The following RSPO2 variants were observed in gnomAD, a reference collection of about 807,000 sequenced individuals.
RSPO2 encodes R-spondin 2.
In RSPO2, 14 loss-of-function variants were observed where a neutral mutation model predicts 30.9. The ratio of observed to expected loss-of-function variants is 0.45; its 90% confidence interval spans 0.30 to 0.71. The LOEUF is 0.71. RSPO2 is among the 30% of genes least tolerant of loss of function. The pLI is 0.08. For synonymous variants in RSPO2, 107 were observed against 96.4 expected (o/e 1.11, Z -0.64); for missense variants, 264 against 301.9 (o/e 0.87, Z 0.93).
chr8:107,991,892 C>T (rs1461618066), intron 2 of RSPO2, among the ~76,000 whole-genome samples: 1 of 152,050 alleles, frequency 6.6e-6, no homozygotes, highest in African/African-American at 2.4e-5. Flanking sequence ...ATAACAGATG[C>T]TGAGAGGTTG....
chr8:108,039,340 GT>G (rs1178819422), intron 2 of RSPO2, among the ~76,000 whole-genome samples: 1 of 152,022 alleles, frequency 6.6e-6, no homozygotes, highest in South Asian at 2.1e-4. Flanking sequence ...ATGCCATACT[GT>G]TTAAAATGCT....
intron 2 of RSPO2, among the ~76,000 whole-genome samples, chr8:108,079,738 A>C (rs1014328689): frequency 6.6e-6 from 1 of 152,128 alleles, no homozygotes; most frequent in African/African-American, 2.4e-5. Flanking sequence ...GGTAAGCCTA[A>C]CCAATCCTGG....
chr8:108,080,136 C>A (rs1813148308), intron 2 of RSPO2, among the ~76,000 whole-genome samples: 1 of 152,194 alleles, frequency 6.6e-6, no homozygotes, highest in African/African-American at 2.4e-5. Context: ...TTTCAATACT[C>A]TCACAATGCA....
intron 2 of RSPO2, among the ~76,000 whole-genome samples, chr8:108,032,088 C>T (rs1811440597): frequency 6.6e-6 from 1 of 152,184 alleles, no homozygotes; most frequent in African/African-American, 2.4e-5. Context: ...TGACCCTATC[C>T]TGCCTCTTAA....
At position 107,913,086 on chromosome 8, in the gene RSPO2, G is replaced by A. The variant is rs1000847427; in HGVS notation, c.617-11896C>T. On this transcript the variant is annotated intron_variant, in intron 5 of 5. Transcript: ENST00000276659. ...GGTAATTGGGATAAATATTTAAGGT[G>A]AAGATATCCCAAATTTTCAGAAGAA... Among the ~76,000 whole-genome samples the A allele has an allele frequency of 4.0e-5, 6 of 150,060 alleles. No individual in the cohort carries two copies. In the Admixed American group the frequency reaches 4.1e-4, roughly 10 times the overall value.
chr8:107,988,935 A>C (rs1218121360), intron 3 of RSPO2, 121 bp downstream of exon 3: 1 of 919,446 alleles, frequency 1.1e-6, no homozygotes, highest in Non-Finnish European at 1.6e-6. Context: ...GCAAGCTTAA[A>C]CTATTTCTAT....
chr8:108,065,694 C>T (rs1375677919), intron 2 of RSPO2, among the ~76,000 whole-genome samples: 1 of 151,854 alleles, frequency 6.6e-6, no homozygotes, highest in African/African-American at 2.4e-5. Context: ...TGTCCCCTGC[C>T]CACAGAAGAC....
chr8:108,072,968 A>T (rs1812904256), intron 2 of RSPO2: 1 of 152,226 alleles, frequency 6.6e-6, no homozygotes, highest in Non-Finnish European at 1.5e-5. Context: ...ATCTGAATTT[A>T]AAAAATAAAA....
At chr8:108,028,799 T>C (rs1264801210) in intron 2 of RSPO2, among the ~76,000 whole-genome samples, 1 of 152,182 alleles carries the variant, frequency 6.6e-6, no homozygotes, top group African/African-American at 2.4e-5. Flanking sequence ...CTTGTCATCC[T>C]TCATAACTTG....
At chr8:108,035,435 T>G (rs1811560513) in intron 2 of RSPO2, among the ~76,000 whole-genome samples, 1 of 151,900 alleles carries the variant, frequency 6.6e-6, no homozygotes, top group African/African-American at 2.4e-5. Context: ...CCAGTTCTTT[T>G]TTTTGTTTTG....
At chr8:108,007,743 T>C (rs917155274) in intron 2 of RSPO2, among the ~76,000 whole-genome samples, 1 of 151,890 alleles carries the variant, frequency 6.6e-6, no homozygotes, top group African/African-American at 2.4e-5. Flanking sequence ...AAGGAGAAAA[T>C]AGCCAGTAAA....
chr8:107,966,359 C>T (rs768668503), intron 3 of RSPO2, among the ~76,000 whole-genome samples: 2 of 152,128 alleles, frequency 1.3e-5, no homozygotes, highest in Non-Finnish European at 2.9e-5. Flanking sequence ...AAGGTCCTTA[C>T]ACCTCAGGAT....
intron 2 of RSPO2, among the ~76,000 whole-genome samples, chr8:108,057,008 G>A (rs935047097): frequency 1.7e-5 from 2 of 114,702 alleles, no homozygotes; most frequent in Non-Finnish European, 3.3e-5. Context: ...AGTGAGTCGA[G>A]ATCACACCAC....
chr8:108,024,956 G>A (rs1331009834), intron 2 of RSPO2, among the ~76,000 whole-genome samples: 1 of 152,028 alleles, frequency 6.6e-6, no homozygotes, highest in East Asian at 1.9e-4. Context: ...GGAGGCAGAG[G>A]GGCAGCGAGC....
At chr8:107,922,179 C>T (rs1022780584) in intron 5 of RSPO2, among the ~76,000 whole-genome samples, 1 of 151,592 alleles carries the variant, frequency 6.6e-6, no homozygotes, top group African/African-American at 2.4e-5. Flanking sequence ...TTGCAGATGA[C>T]ATGATTCTAT....
At chr8:107,986,756 C>T (rs1353901651) in intron 3 of RSPO2, among the ~76,000 whole-genome samples, 1 of 152,154 alleles carries the variant, frequency 6.6e-6, no homozygotes, top group Non-Finnish European at 1.5e-5. Context: ...TACACTCTTG[C>T]CTTGTCTTCC....
intron 3 of RSPO2, among the ~76,000 whole-genome samples, chr8:107,985,518 C>G (rs1814593804): frequency 6.6e-6 from 1 of 152,106 alleles, no homozygotes; most frequent in African/African-American, 2.4e-5. Flanking sequence ...CACAATGACA[C>G]ATTTGTAAGG....
chr8:107,983,241 T>C (rs1472490494), intron 3 of RSPO2: 8 of 1,581,768 alleles, frequency 5.1e-6, no homozygotes, highest in Non-Finnish European at 6.9e-6. Flanking sequence ...CGTATCTTTC[T>C]GAAGCTATGA....
At chr8:108,024,406 T>C (rs1231460633) in intron 2 of RSPO2, among the ~76,000 whole-genome samples, 1 of 151,730 alleles carries the variant, frequency 6.6e-6, no homozygotes, top group East Asian at 1.9e-4. Flanking sequence ...CAAACTGATA[T>C]GGAGTTATTT....
Sources: gnomAD v4.1 joint callset for allele counts (sites outside exome capture counted in the v4.1 genomes callset) on GRCh38, gnomAD v4.1.1 for gene constraint, MANE v1.5 for transcripts, NCBI Gene and HGNC (gene_info 2026-07-23, HGNC 2026-07-21) for gene names.